GALNTL6: variants seen among roughly 807,000 people sequenced by gnomAD.
GALNTL6 encodes polypeptide N-acetylgalactosaminyltransferase like 6, also known as polypeptide N-acetylgalactosaminyltransferase-like 6.
A neutral mutation model predicts 73.7 loss-of-function variants in GALNTL6; 46 were observed. The observed-to-expected ratio is 0.62, with a 90% CI of 0.49 to 0.80. GALNTL6 has a LOEUF of 0.80. Ranked by LOEUF, GALNTL6 falls within the 30% of genes least tolerant of loss-of-function variation. GALNTL6 has a pLI of 0.00. For synonymous variants in GALNTL6, 259 were observed against 263.7 expected (o/e 0.98, Z 0.17); for missense variants, 604 against 755.0 (o/e 0.80, Z 2.34).
chr4:172,525,661 A>G (rs2110830125), intron 5 of GALNTL6, among the ~76,000 whole-genome samples: 1 of 152,292 alleles, frequency 6.6e-6, no homozygotes, highest in African/African-American at 2.4e-5. Flanking sequence ...CCAGAAGTTC[A>G]AAACTAGCTT....
intron 2 of GALNTL6, among the ~76,000 whole-genome samples, chr4:171,890,813 AGGTTAGG>A (rs1316109728): frequency 6.6e-6 from 1 of 152,154 alleles, no homozygotes. Flanking sequence ...TTCTAGAGAA[AGGTTAGG>A]GGTGGAGGTC....
chr4:172,461,374 A>AT (rs539739527), intron 5 of GALNTL6, among the ~76,000 whole-genome samples: 1 of 152,054 alleles, frequency 6.6e-6, no homozygotes, highest in African/African-American at 2.4e-5. Flanking sequence ...GAAATAAAAG[A>AT]TTTTTTTTCT....
chr4:172,358,054 T>C (rs919118135), intron 5 of GALNTL6, among the ~76,000 whole-genome samples: 1 of 152,202 alleles, frequency 6.6e-6, no homozygotes, highest in African/African-American at 2.4e-5. Flanking sequence ...TCCTTTTATT[T>C]GTCCATTTAT....
chr4:171,987,802 G>A (rs1265096741), intron 2 of GALNTL6, among the ~76,000 whole-genome samples: 1 of 152,134 alleles, frequency 6.6e-6, no homozygotes, highest in Non-Finnish European at 1.5e-5. Context: ...GCGTGATCAG[G>A]GTGAGGAACA....
intron 2 of GALNTL6, among the ~76,000 whole-genome samples, chr4:172,023,402 A>G (rs2110805347): frequency 6.6e-6 from 1 of 152,004 alleles, no homozygotes; most frequent in African/African-American, 2.4e-5. Context: ...TATCAAGTAT[A>G]AAAAAGTAAA....
chr4:172,497,267 T>C (rs993776338), intron 5 of GALNTL6, among the ~76,000 whole-genome samples: 14 of 152,338 alleles, frequency 9.2e-5, no homozygotes, highest in Non-Finnish European at 1.6e-4. Context: ...TGAATAGTAA[T>C]GGTTCGATTA....
At chr4:173,009,771 A>T (rs1262208246) in intron 11 of GALNTL6, among the ~76,000 whole-genome samples, 1 of 152,180 alleles carries the variant, frequency 6.6e-6, no homozygotes, top group Admixed American at 6.5e-5. Flanking sequence ...TTAATCTTAC[A>T]TGTGAAGGAT....
intron 2 of GALNTL6, among the ~76,000 whole-genome samples, chr4:172,160,230 T>C (rs1299009413): frequency 1.3e-5 from 2 of 151,976 alleles, no homozygotes; most frequent in African/African-American, 4.8e-5. Context: ...GAGTGAATGT[T>C]GTTAACTCCT....
chr4:172,498,830 TA>T (rs1191315508), intron 5 of GALNTL6, among the ~76,000 whole-genome samples: 1 of 152,140 alleles, frequency 6.6e-6, no homozygotes, highest in East Asian at 1.9e-4. Flanking sequence ...GGCAGCTCTT[TA>T]TGAAAAAAAA....
chr4:172,369,736 G>A (rs1742716767), intron 5 of GALNTL6, among the ~76,000 whole-genome samples: 2 of 152,182 alleles, frequency 1.3e-5, no homozygotes, highest in African/African-American at 4.8e-5. Context: ...CACTGCCCGG[G>A]GCCGGTGGTA....
chr4:172,113,027 T>G (rs1210138432), intron 2 of GALNTL6, among the ~76,000 whole-genome samples: 1 of 151,950 alleles, frequency 6.6e-6, no homozygotes, highest in Non-Finnish European at 1.5e-5. Flanking sequence ...GGACAGTGCA[T>G]TTTTGAGTTC....
At chr4:172,587,833 C>T (rs1327990401) in intron 5 of GALNTL6, among the ~76,000 whole-genome samples, 2 of 152,140 alleles carry the variant, frequency 1.3e-5, no homozygotes, top group African/African-American at 4.8e-5. Context: ...TGTGCATGTA[C>T]ACACATATTC....
chr4:172,227,299 A>G (rs1736899376), intron 2 of GALNTL6, among the ~76,000 whole-genome samples: 1 of 152,342 alleles, frequency 6.6e-6, no homozygotes, highest in South Asian at 2.1e-4. Flanking sequence ...GTAAGGGAAG[A>G]TAACTTCATT....
intron 2 of GALNTL6, among the ~76,000 whole-genome samples, chr4:172,127,402 C>G (rs116628404): frequency 0.017 from 2,563 of 152,346 alleles, 65 homozygotes; most frequent in African/African-American, 0.055. Flanking sequence ...GGCCCACATG[C>G]AACAGCCGCA....
At chr4:171,923,497 A>ATT (rs1737861252) in intron 2 of GALNTL6, among the ~76,000 whole-genome samples, 1 of 147,042 alleles carries the variant, frequency 6.8e-6, no homozygotes, top group African/African-American at 2.6e-5. Context: ...TCCTGGGTTC[A>ATT]CGCCATTCTG....
intron 7 of GALNTL6, among the ~76,000 whole-genome samples, chr4:172,857,707 T>A (rs529152981): frequency 9.5e-4 from 145 of 152,332 alleles, no homozygotes; most frequent in Middle Eastern, 3.4e-3. Context: ...TAGTCTTTTT[T>A]AAAAAGTCTT....
At chr4:172,898,291 T>TACAC (rs5741949) in intron 8 of GALNTL6, among the ~76,000 whole-genome samples, 8 of 147,414 alleles carry the variant, frequency 5.4e-5, no homozygotes, top group East Asian at 2.0e-4. Context: ...TATACTTTAT[T>TACAC]ACACACACAC....
intron 2 of GALNTL6, among the ~76,000 whole-genome samples, chr4:172,123,571 G>A (rs1218287983): frequency 2.3e-5 from 3 of 131,992 alleles, no homozygotes; most frequent in African/African-American, 5.9e-5. Flanking sequence ...GCACAATCTC[G>A]GCTCACTGCA....
At chr4:172,011,672 A>ATAACC (rs1741011943) in intron 2 of GALNTL6, among the ~76,000 whole-genome samples, 1 of 152,088 alleles carries the variant, frequency 6.6e-6, no homozygotes, top group Admixed American at 6.6e-5. Flanking sequence ...ACCTCTAGTT[A>ATAACC]CAGAATCTTA....
Sources: gnomAD v4.1 joint callset for allele counts (sites outside exome capture counted in the v4.1 genomes callset) on GRCh38, gnomAD v4.1.1 for gene constraint, MANE v1.5 for transcripts, NCBI Gene and HGNC (gene_info 2026-07-23, HGNC 2026-07-21) for gene names.